Variants in ERG observed in about 807,000 individuals in gnomAD.
ERG encodes transcriptional regulator ERG.
In ERG, 9 loss-of-function variants were observed where a neutral mutation model predicts 55.3. The observed-to-expected ratio is 0.16, with a 90% CI of 0.10 to 0.28. ERG has a LOEUF of 0.28. ERG is among the 10% of genes least tolerant of loss of function. The pLI, the probability that ERG is intolerant of heterozygous loss-of-function variation, is 1.00. For synonymous variants in ERG, 223 were observed against 237.3 expected (o/e 0.94, Z 0.55); for missense variants, 434 against 631.6 (o/e 0.69, Z 3.35).
chr21:38,464,889 T>A (rs1014867253), intron 1 of ERG, among the ~76,000 whole-genome samples: 3 of 152,232 alleles, frequency 2.0e-5, no homozygotes, highest in African/African-American at 4.8e-5. Flanking sequence ...GCAAAGGACA[T>A]GAACTCATCC....
intron 1 of ERG, among the ~76,000 whole-genome samples, chr21:38,462,403 A>C (rs977387425): frequency 6.6e-6 from 1 of 152,202 alleles, no homozygotes; most frequent in African/African-American, 2.4e-5. Context: ...ACCAATCTTA[A>C]GAACGTAAAG....
At chr21:38,457,720 C>G (rs1039070474) in intron 1 of ERG, among the ~76,000 whole-genome samples, 6 of 152,190 alleles carry the variant, frequency 3.9e-5, no homozygotes, top group Non-Finnish European at 5.9e-5. Flanking sequence ...TTCTGAGCAG[C>G]ACAGAGCCAC....
intron 1 of ERG, among the ~76,000 whole-genome samples, chr21:38,482,315 G>A (rs2059245215): frequency 6.6e-6 from 1 of 152,166 alleles, no homozygotes; most frequent in Non-Finnish European, 1.5e-5. Flanking sequence ...ACACAATGAG[G>A]TATCACCTCA....
At chr21:38,487,536 C>T (rs2059297701) in intron 1 of ERG, among the ~76,000 whole-genome samples, 1 of 152,230 alleles carries the variant, frequency 6.6e-6, no homozygotes, top group African/African-American at 2.4e-5. Flanking sequence ...TCCCATCAGG[C>T]ATCCATGACA....
chr21:38,544,191 C>T (rs2059773515), intron 2 of ERG, among the ~76,000 whole-genome samples: 2 of 152,100 alleles, frequency 1.3e-5, no homozygotes, highest in Non-Finnish European at 2.9e-5. Flanking sequence ...TGAGGAATAC[C>T]AAGAATGTTT....
Position 38,402,453 on chromosome 21 carries a change from G to A in ERG, c.673+104C>T, listed in dbSNP as rs545931015. 77 of 784,016 alleles carry A rather than the reference G, an allele frequency of 9.8e-5. 1 individual carries two copies. The highest frequency in any genetic ancestry group is 7.5e-4 in the South Asian group (47 of 62,864). 48.6% of individuals were successfully genotyped at this position (784,016 alleles called of 1,614,324 possible). A position where few individuals can be genotyped will look rare whatever the true frequency, so the allele number is the denominator to read the frequency against. ...AAAGTATTCTGAATCATCTACCTGC[G>A]TTCTGTCTTCCTGGCACGCGCTGAC... On this transcript the variant is annotated intron_variant, in intron 5 of 9. Transcript: ENST00000288319.
chr21:38,436,268 G>C (rs1324232075), intron 2 of ERG, among the ~76,000 whole-genome samples: 1 of 152,010 alleles, frequency 6.6e-6, no homozygotes, highest in Non-Finnish European at 1.5e-5. Context: ...AAATGTGATT[G>C]TTTTGGAAAC....
intron 2 of ERG, among the ~76,000 whole-genome samples, chr21:38,519,122 A>G (rs1376714578): frequency 6.6e-6 from 1 of 152,208 alleles, no homozygotes; most frequent in African/African-American, 2.4e-5. Flanking sequence ...TAAAACAAAG[A>G]CTAACAATGT....
intron 1 of ERG, among the ~76,000 whole-genome samples, chr21:38,581,484 A>G (rs56265081): frequency 0.091 from 13,783 of 152,234 alleles, 759 homozygotes; most frequent in Admixed American, 0.17. Context: ...AGAAGGCAGC[A>G]GGTTGGTGAG....
At chr21:38,407,737 AT>A (rs1293298667) in intron 3 of ERG, among the ~76,000 whole-genome samples, 1 of 147,236 alleles carries the variant, frequency 6.8e-6, no homozygotes, top group Non-Finnish European at 1.5e-5. Flanking sequence ...TATAAAAAGT[AT>A]TTTTTAAAAG....
chr21:38,490,269 G>A (rs1478519981), intron 1 of ERG, among the ~76,000 whole-genome samples: 1 of 152,084 alleles, frequency 6.6e-6, no homozygotes, highest in Non-Finnish European at 1.5e-5. Flanking sequence ...AAAAGGTAGG[G>A]GGAAATGCTT....
chr21:38,624,906 T>C (rs967130270), intron 1 of ERG, among the ~76,000 whole-genome samples: 3 of 152,230 alleles, frequency 2.0e-5, no homozygotes, highest in Non-Finnish European at 4.4e-5. Flanking sequence ...CTTATTATTT[T>C]AATATCCCCA....
At chr21:38,482,039 A>T (rs1247409641) in intron 1 of ERG, among the ~76,000 whole-genome samples, 1 of 152,232 alleles carries the variant, frequency 6.6e-6, no homozygotes, top group Non-Finnish European at 1.5e-5. Flanking sequence ...GGCAAGTGTC[A>T]TGTAGCAAAA....
chr21:38,464,281 G>A (rs1984021), intron 1 of ERG, among the ~76,000 whole-genome samples: 17,840 of 152,030 alleles, frequency 0.12, 1,072 homozygotes, highest in East Asian at 0.19. Context: ...TGGGGAATAG[G>A]TCATATTTCT....
intron 1 of ERG, among the ~76,000 whole-genome samples, chr21:38,657,683 G>A (rs572925715): frequency 1.3e-5 from 2 of 152,238 alleles, no homozygotes; most frequent in East Asian, 3.9e-4. Flanking sequence ...AAAGCCATTG[G>A]AAAACTCCCG....
At position 38,543,815 on chromosome 21, in the gene ERG, C is replaced by T. The variant is rs536275325; in HGVS notation, c.-41+31847G>A. 4.7e-5 allele frequency among the ~76,000 whole-genome samples: 7 copies of T among 150,152 alleles called. No homozygotes were observed. In the East Asian group the frequency reaches 1.4e-3, roughly 29 times the overall value. On this transcript the variant is annotated intron_variant, in intron 2 of 8. Coordinates refer to the ERG transcript ENST00000398897. ...GCAGTGGCTCGATCTCAGCTCACTG[C>T]AACCTCCACCTCCTGGTTTCAAGCA...
intron 6 of ERG, among the ~76,000 whole-genome samples, chr21:38,398,889 A>T (rs1214354600): frequency 6.6e-6 from 1 of 152,238 alleles, no homozygotes; most frequent in Non-Finnish European, 1.5e-5. Flanking sequence ...CACCTATGAG[A>T]TGTCTTAACA....
At chr21:38,543,616 T>G (rs2059769153) in intron 2 of ERG, among the ~76,000 whole-genome samples, 3 of 151,940 alleles carry the variant, frequency 2.0e-5, no homozygotes. Flanking sequence ...CCTGCTCTTG[T>G]GGAGTTCCCT....
chr21:38,461,287 G>A (rs535851584), intron 1 of ERG, among the ~76,000 whole-genome samples: 5 of 152,184 alleles, frequency 3.3e-5, no homozygotes, highest in Admixed American at 3.3e-4. Flanking sequence ...CTGTTTCTGA[G>A]TCCAAATTAC....
Sources: gnomAD v4.1 joint callset for allele counts (sites outside exome capture counted in the v4.1 genomes callset) on GRCh38, gnomAD v4.1.1 for gene constraint, MANE v1.5 for transcripts, NCBI Gene and HGNC (gene_info 2026-07-23, HGNC 2026-07-21) for gene names.